ATP2A1: variants seen among roughly 807,000 people sequenced by gnomAD.
The protein encoded by ATP2A1 is sarcoplasmic/endoplasmic reticulum calcium ATPase 1.
In ATP2A1, 83 loss-of-function variants were observed where a neutral mutation model predicts 109.5. The observed-to-expected ratio is 0.76, with a 90% CI of 0.63 to 0.91. ATP2A1 has a LOEUF of 0.91. Among genes scored for constraint, ATP2A1 ranks in the 40% least tolerant of loss-of-function variants. The probability of loss-of-function intolerance (pLI) is 0.00; values close to 1 mark genes in which losing one functional copy is unlikely to be tolerated. For missense variants in ATP2A1, 1,101 were observed against 1,341.0 expected (o/e 0.82, Z 2.80); for synonymous variants, 505 against 537.6 (o/e 0.94, Z 0.84).
At chr16:28,888,743 C>T in intron 8 of ATP2A1, 44 bp from the exon 9 acceptor site, 1 of 1,604,420 alleles carries the variant, frequency 6.2e-7, no homozygotes, top group South Asian at 1.1e-5. Context: ...TCCCTCACAC[C>T]CTCCCCTTGC....
At chr16:28,886,729 G>A (rs1963620470) in intron 6 of ATP2A1, among the ~76,000 whole-genome samples, 1 of 151,420 alleles carries the variant, frequency 6.6e-6, no homozygotes, top group Admixed American at 6.6e-5. Context: ...ACGGTGGCCT[G>A]TAATCCCAGC....
chr16:28,892,395 C>T, intron 9 of ATP2A1: 1 of 380,516 alleles, frequency 2.6e-6, no homozygotes, highest in Non-Finnish European at 5.3e-6. Flanking sequence ...CTAGAAATTG[C>T]TGTTCTGAGA....
In ATP2A1 at chr16:28,894,923, G is replaced by A. The variant is rs368170188; in HGVS notation, c.1389G>A (p.Ser463=). ...TCAACACGGATGTGAGAAGCCTCTC[G>A]AAGGTGGAGAGAGCCAACGCCTGCA... ...NVFNTDVRSL[S]KVERANACNS... Residue 463 remains serine (S), a synonymous_variant, in exon 12 of 23, where the codon TCG becomes TCA. Coordinates refer to ENST00000395503, the MANE Select transcript of ATP2A1 (RefSeq NM_004320.6). 4.5e-5 allele frequency: 72 copies of A among 1,612,276 alleles called. 1 individual carries two copies. In the South Asian group the frequency reaches 5.5e-4, roughly 12 times the overall value.
At chr16:28,885,712 T>C (rs1474168647) in intron 6 of ATP2A1, among the ~76,000 whole-genome samples, 1 of 152,012 alleles carries the variant, frequency 6.6e-6, no homozygotes, top group African/African-American at 2.4e-5. Context: ...CTGGATGTTG[T>C]TGCCTACTCT....
Position 28,898,431 on chromosome 16 carries a change from G to T in ATP2A1, c.1744G>T (p.Ala582Ser), listed in dbSNP as rs1963978415. The T allele has an allele frequency of 6.2e-7, 1 of 1,613,484 alleles. No homozygotes were observed. Among genetic ancestry groups the T allele is most frequent in the Admixed American group, 1.7e-5 (1 of 60,000 alleles). The change falls in exon 14 of 23, where the codon GCC becomes TCC. Residue 582 changes from alanine to serine, a missense_variant. By Grantham distance (99) the Ala-to-Ser change is moderately conservative. Transcript: ENST00000395503. This position sits in a 1 kb window ranked among gnomAD's most constrained non-coding sequence, Gnocchi z 4.0. ...KREEMVLDDS[A>S]RFLEYETDLT... ...AGAGGAAATGGTCCTGGATGACTCT[G>T]CCAGGTTCCTGGAGTATGAGGTAAG...
At chr16:28,900,362 G>A (rs113584449) in intron 14 of ATP2A1, among the ~76,000 whole-genome samples, 1 of 151,924 alleles carries the variant, frequency 6.6e-6, no homozygotes, top group South Asian at 2.1e-4. Context: ...ATCAGCACCT[G>A]CAGGTGCTTA....
chr16:28,903,937 G>T lies in ATP2A1; in HGVS notation c.*37+196G>T. On this transcript the variant is annotated intron_variant, in intron 22 of 22. Coordinates refer to ENST00000395503, the MANE Select transcript of ATP2A1 (RefSeq NM_004320.6). This position sits in a 1 kb window ranked among gnomAD's most constrained non-coding sequence, Gnocchi z 5.6. ...GCGTCAGTTTGGCTCCCAGGCCCTG[G>T]GCAGTGCCAGCCTCTGGGCCCGTCT... The T allele has an allele frequency of 1.4e-6, 1 of 737,198 alleles. No homozygotes were observed. Among genetic ancestry groups the T allele is most frequent in the Non-Finnish European group, 2.4e-6 (1 of 422,008 alleles). The allele number at this position is 737,198 out of a possible 1,614,324, so 45.7% of individuals were successfully genotyped here. A position where few individuals can be genotyped will look rare whatever the true frequency, so the allele number is the denominator to read the frequency against.
At position 28,902,470 on chromosome 16, in the gene ATP2A1, G is replaced by C. The variant is rs1964108489; in HGVS notation, c.2524+84G>C. On this transcript the variant is annotated intron_variant, in intron 17 of 22. Coordinates refer to ENST00000395503, the MANE Select transcript of ATP2A1 (RefSeq NM_004320.6). This position sits in a 1 kb window ranked among gnomAD's most constrained non-coding sequence, Gnocchi z 4.8. ...ACACCAGCTCCCCCATGCAGGTGCTGAGAGGGTCTTCTTCCTTGGCCAGCC... is the reference window on the plus strand; with the variant it reads ...ACACCAGCTCCCCCATGCAGGTGCTCAGAGGGTCTTCTTCCTTGGCCAGCC... 1 of 1,570,592 alleles carries C rather than the reference G, an allele frequency of 6.4e-7. No individual in the cohort carries two copies. The highest frequency in any genetic ancestry group is 1.3e-5 in the African/African-American group (1 of 74,106).
intron 10 of ATP2A1, 112 bp from the exon 11 acceptor site, chr16:28,894,393 C>T: frequency 2.3e-6 from 3 of 1,304,876 alleles, no homozygotes; most frequent in Non-Finnish European, 3.2e-6. Flanking sequence ...GTTGGCTCTC[C>T]CCACTGTCCT....
chr16:28,904,224 C>T lies in ATP2A1; in HGVS notation c.*82C>T, dbSNP rs752205483. The T allele has an allele frequency of 1.2e-6, 2 of 1,613,750 alleles. No homozygotes were observed. The highest frequency in any genetic ancestry group is 1.7e-5 in the Admixed American group (1 of 59,996). ...GAAGTGAGCATCCTTTTGCTCTGTC[C>T]TCCCCACCCCGATAGTGACACATCT... On this transcript the variant is annotated 3_prime_UTR_variant, in exon 23 of 23. Transcript: ENST00000395503.
chr16:28,880,785 G>A lies in ATP2A1; in HGVS notation c.220-130G>A. 4.5e-6 allele frequency: 4 copies of A among 879,582 alleles called. No individual in the cohort carries two copies. Among genetic ancestry groups the A allele is most frequent in the East Asian group, 2.5e-5 (1 of 39,766 alleles). The allele number at this position is 879,582 out of a possible 1,614,324, so 54.5% of individuals were successfully genotyped here. On this transcript the variant is annotated intron_variant, in intron 3 of 22. Coordinates refer to ENST00000395503, the MANE Select transcript of ATP2A1 (RefSeq NM_004320.6). The surrounding 1 kb of genome is among the most constrained non-coding windows in gnomAD (Gnocchi z 4.2). The stretch of plus-strand genomic sequence containing the variant: ...GACGGATGTGGGGCCACAGCGCCCC[G>A]ACGGTGCCCGGCCCTCCTGCTGGCT...
At position 28,880,880 on chromosome 16, in the gene ATP2A1, C is replaced by A; in HGVS notation, c.220-35C>A. 6.3e-7 allele frequency: 1 copy of A among 1,584,678 alleles called. No homozygotes were observed. The highest frequency in any genetic ancestry group is 8.7e-7 in the Non-Finnish European group (1 of 1,153,218). On this transcript the variant is annotated intron_variant, in intron 3 of 22. Coordinates refer to ENST00000395503, the MANE Select transcript of ATP2A1 (RefSeq NM_004320.6). This position sits in a 1 kb window ranked among gnomAD's most constrained non-coding sequence, Gnocchi z 4.2. ...CCTTTCTCCATCTGTTTTGGGGCCT[C>A]ATTACCTGTCATTCTCCTTTCCCCT... is the stretch of plus-strand genomic sequence containing the variant.
At chr16:28,888,329 G>A (rs1963678177) in intron 8 of ATP2A1, among the ~76,000 whole-genome samples, 1 of 151,218 alleles carries the variant, frequency 6.6e-6, no homozygotes, top group Non-Finnish European at 1.5e-5. Flanking sequence ...CACCACGCCT[G>A]GCCCAAAGAC....
At chr16:28,896,945 G>A (rs540343955) in intron 12 of ATP2A1, among the ~76,000 whole-genome samples, 93 of 152,116 alleles carry the variant, frequency 6.1e-4, no homozygotes, top group Admixed American at 1.6e-3. Flanking sequence ...GCTGGACATG[G>A]TGGCGTGTGC....
rs1477721398 is a variant in ATP2A1 at position 28,899,649 on chromosome 16, C to A, written c.1765-932C>A. ...GCGAGACTCCATCCCCTGCGCCCGC[C>A]CCCCCCCCCCCGAAAAAGACACAAT... On this transcript the variant is annotated intron_variant, in intron 14 of 22. Coordinates refer to ENST00000395503, the MANE Select transcript of ATP2A1 (RefSeq NM_004320.6). 1.1e-3 allele frequency among the ~76,000 whole-genome samples: 93 copies of A among 85,616 alleles called. 8 individuals carry two copies. The highest frequency in any genetic ancestry group is 4.3e-3 in the African/African-American group (85 of 19,658). The allele number at this position is 85,616 out of a possible 152,430, so 56.2% of individuals were successfully genotyped here.
chr16:28,888,494 G>C (rs1027984360), intron 8 of ATP2A1, among the ~76,000 whole-genome samples: 5 of 151,970 alleles, frequency 3.3e-5, no homozygotes, highest in African/African-American at 1.2e-4. Flanking sequence ...CTGTAATCTC[G>C]AACTCCTGGA....
intron 5 of ATP2A1, 58 bp from the exon 6 acceptor site, chr16:28,884,517 T>G: frequency 6.6e-7 from 1 of 1,521,960 alleles, no homozygotes; most frequent in Middle Eastern, 1.7e-4. Flanking sequence ...GGGTTTTTCT[T>G]TGGAAGGAAG....
rs1265823756 is a variant in ATP2A1 at position 28,884,567 on chromosome 16, C to G, written c.464-8C>G. The G allele has an allele frequency of 6.2e-7, 1 of 1,612,360 alleles. No individual in the cohort carries two copies. Among genetic ancestry groups the G allele is most frequent in the Non-Finnish European group, 8.5e-7 (1 of 1,179,044 alleles). On this transcript the variant is annotated splice_polypyrimidine_tract_variant and splice_region_variant and intron_variant, in intron 5 of 22. Coordinates refer to ENST00000395503, the MANE Select transcript of ATP2A1 (RefSeq NM_004320.6). ...AAGTGACCTCCCTCTTCCCTACTCTCTCCACAGTGGGGGACAAAGTCCCTG... is the reference window on the plus strand; with the variant it reads ...AAGTGACCTCCCTCTTCCCTACTCTGTCCACAGTGGGGGACAAAGTCCCTG...
At chr16:28,901,649 C>T (rs1227092579) in intron 15 of ATP2A1, among the ~76,000 whole-genome samples, 4 of 152,010 alleles carry the variant, frequency 2.6e-5, no homozygotes, top group Non-Finnish European at 5.9e-5. Context: ...AAAAGTGTGC[C>T]GATCTTTGTT....
Sources: gnomAD v4.1 joint callset for allele counts (sites outside exome capture counted in the v4.1 genomes callset) on GRCh38, gnomAD v4.1.1 for gene constraint, Gnocchi (gnomAD v3.1) non-coding constraint, MANE v1.5 for transcripts, NCBI Gene and HGNC (gene_info 2026-07-23, HGNC 2026-07-21) for gene names.